The following CLVS1 variants were observed in gnomAD, a reference collection of about 807,000 sequenced individuals.
CLVS1 encodes clavesin 1, also known as clavesin-1.
CLVS1 carries 10 observed loss-of-function variants against 33.1 expected under a neutral mutation model. The ratio of observed to expected loss-of-function variants is 0.30; its 90% CI spans 0.19 to 0.51. The LOEUF is 0.51. Ranked by LOEUF, CLVS1 falls within the 20% of genes least tolerant of loss-of-function variation. The probability of loss-of-function intolerance (pLI) is 0.97; values close to 1 mark genes in which losing one functional copy is unlikely to be tolerated. For synonymous variants in CLVS1, 163 were observed against 166.1 expected, an observed-to-expected ratio of 0.98 and a Z score of 0.14; for missense variants, 343 against 433.4, an observed-to-expected ratio of 0.79 and a Z score of 1.85.
the CLVS1 span, among the ~76,000 whole-genome samples, chr8:60,991,931 A>G: frequency 2.0e-4 from 30 of 152,126 alleles, no homozygotes; most frequent in African/African-American, 7.0e-4. Flanking sequence ...ATTTTTAAGT[A>G]GAGACGGGGT....
chr8:61,258,485 T>G (rs565135900), intron 2 of CLVS1, among the ~76,000 whole-genome samples: 1 of 152,152 alleles, frequency 6.6e-6, no homozygotes, highest in South Asian at 2.1e-4. Flanking sequence ...CAGGCTTGAG[T>G]CAAGTACTAA....
Position 61,203,006 on chromosome 8 carries a change from C to A in CLVS1, c.-152+71146C>A, listed in dbSNP as rs188173812. On this transcript the variant is annotated intron_variant, in intron 2 of 2. Coordinates refer to the CLVS1 transcript ENST00000522621. Reference sequence around the variant, plus strand: ...GACTCAAAACCATCAACACCAAGATCAAAAGGACAAGAATCTTTCAAAAAA... The same window carrying A: ...GACTCAAAACCATCAACACCAAGATAAAAAGGACAAGAATCTTTCAAAAAA... The A allele has an allele frequency of 7.8e-4, 1,061 of 1,360,130 alleles. 6 individuals are homozygous for A. In the African/African-American group the frequency reaches 0.013, roughly 16 times the overall value. 84.3% of individuals were successfully genotyped at this position (1,360,130 alleles called of 1,614,324 possible).
At chr8:61,347,645 TATATATATATATATA>T (rs1812271218) in intron 2 of CLVS1, among the ~76,000 whole-genome samples, 3 of 48,426 alleles carry the variant, frequency 6.2e-5, no homozygotes, top group Non-Finnish European at 1.5e-4. Flanking sequence ...TATATATATA[TATATATATATATATA>T]TATATATATA....
At chr8:61,386,355 A>G (rs900818629) in intron 3 of CLVS1, among the ~76,000 whole-genome samples, 1 of 152,218 alleles carries the variant, frequency 6.6e-6, no homozygotes, top group African/African-American at 2.4e-5. Context: ...CTCATCTTCT[A>G]ATGCTATGAA....
At chr8:61,252,370 G>T (rs891595459) in intron 2 of CLVS1, among the ~76,000 whole-genome samples, 2 of 152,150 alleles carry the variant, frequency 1.3e-5, no homozygotes, top group Non-Finnish European at 2.9e-5. Flanking sequence ...GCATGATGAG[G>T]TGCTGAGAAG....
chr8:61,179,670 A>G (rs746662055), intron 2 of CLVS1, among the ~76,000 whole-genome samples: 1 of 152,230 alleles, frequency 6.6e-6, no homozygotes, highest in Non-Finnish European at 1.5e-5. Context: ...ATCAAATTAG[A>G]ACTCAGGATT....
intron 2 of CLVS1, among the ~76,000 whole-genome samples, chr8:61,339,735 G>A (rs1223563202): frequency 1.3e-5 from 2 of 149,220 alleles, no homozygotes; most frequent in Admixed American, 1.3e-4. Flanking sequence ...GAAGGAGGGA[G>A]AGAGAAAGAG....
intron 3 of CLVS1, among the ~76,000 whole-genome samples, chr8:61,410,066 G>GTTTTTTTTTTTTTTTTT (rs201195565): frequency 2.5e-4 from 27 of 106,908 alleles, no homozygotes; most frequent in African/African-American, 8.5e-4. Flanking sequence ...ACTTGCAGAG[G>GTTTTTTTTTTTTTTTTT]TTTTTTTTTT....
intron 2 of CLVS1, among the ~76,000 whole-genome samples, chr8:61,202,160 G>A (rs1345799085): frequency 6.6e-6 from 1 of 152,216 alleles, no homozygotes; most frequent in Non-Finnish European, 1.5e-5. Flanking sequence ...ACCATTATAA[G>A]CATGCCAGGG....
intron 2 of CLVS1, among the ~76,000 whole-genome samples, chr8:61,222,562 C>A (rs1024117020): frequency 1.3e-5 from 2 of 152,150 alleles, no homozygotes; most frequent in Admixed American, 6.5e-5. Flanking sequence ...GATTTCAGTT[C>A]TTTTGCATGT....
intron 2 of CLVS1, among the ~76,000 whole-genome samples, chr8:61,344,232 C>T (rs1487541525): frequency 2.0e-5 from 3 of 152,040 alleles, no homozygotes. Context: ...CTAATAAATT[C>T]ATTTTACTTT....
chr8:61,438,587 C>CTT (rs1415461402), intron 3 of CLVS1, among the ~76,000 whole-genome samples: 4 of 152,160 alleles, frequency 2.6e-5, no homozygotes, highest in Admixed American at 2.6e-4. Context: ...GGTTCTAAAT[C>CTT]TTTGAGAAAT....
chr8:61,477,784 G>A (rs1028444429), intron 5 of CLVS1, among the ~76,000 whole-genome samples: 1 of 152,016 alleles, frequency 6.6e-6, no homozygotes. Flanking sequence ...AGGGTTTTTT[G>A]TGTCTCTATG....
chr8:61,031,064 A>G, the CLVS1 span, among the ~76,000 whole-genome samples: 1 of 152,242 alleles, frequency 6.6e-6, no homozygotes, highest in Admixed American at 6.5e-5. Flanking sequence ...GCTCTGGGCA[A>G]CTGAGTACAT....
chr8:61,008,760 A>G, the CLVS1 span, among the ~76,000 whole-genome samples: 1 of 152,224 alleles, frequency 6.6e-6, no homozygotes, highest in Non-Finnish European at 1.5e-5. Context: ...TGCTGCAGGA[A>G]TATTTACTCC....
intron 2 of CLVS1, among the ~76,000 whole-genome samples, chr8:61,180,270 C>T (rs1011148724): frequency 1.3e-5 from 2 of 152,082 alleles, no homozygotes; most frequent in African/African-American, 4.8e-5. Context: ...GACACATACA[C>T]CCTCCCAAGA....
At chr8:61,213,225 AC>A (rs896194572) in intron 2 of CLVS1, among the ~76,000 whole-genome samples, 33 of 147,086 alleles carry the variant, frequency 2.2e-4, no homozygotes, top group Admixed American at 6.7e-5. Context: ...CACTTGCTTC[AC>A]TCCCAGCTTC....
chr8:61,481,662 C>T (rs1386621205), intron 5 of CLVS1, among the ~76,000 whole-genome samples: 2 of 152,224 alleles, frequency 1.3e-5, no homozygotes, highest in Non-Finnish European at 2.9e-5. Context: ...GGGCGTCTGT[C>T]ATTGCTGAGG....
At chr8:61,290,985 C>G (rs1762959744) in intron 1 of CLVS1, among the ~76,000 whole-genome samples, 1 of 152,184 alleles carries the variant, frequency 6.6e-6, no homozygotes. Context: ...TTTATTGAAA[C>G]TTATGCTTAA....
Sources: allele counts gnomAD v4.1 joint callset (sites outside exome capture counted in the v4.1 genomes callset), GRCh38; gene constraint gnomAD v4.1.1; transcripts MANE v1.5; gene names NCBI Gene and HGNC (gene_info 2026-07-23, HGNC 2026-07-21).